WDR64: variants seen among roughly 807,000 people sequenced by gnomAD.
WDR64 encodes the protein WD repeat domain 64.
WDR64 carries 112 observed loss-of-function variants against 139.3 expected under a neutral mutation model. That is an observed-to-expected ratio of 0.80 (90% CI 0.69 to 0.94). WDR64 has a LOEUF of 0.94. WDR64 is among the 40% of genes least tolerant of loss of function. WDR64 has a pLI of 0.00. For synonymous variants in WDR64, 444 were observed against 437.7 expected (o/e 1.01, Z -0.18); for missense variants, 1,206 against 1,293.1 (o/e 0.93, Z 1.03).
chr1:241,723,620 A>C (rs1160498812), intron 10 of WDR64, among the ~76,000 whole-genome samples, 184 bp downstream of exon 10: 1 of 152,180 alleles, frequency 6.6e-6, no homozygotes, highest in Non-Finnish European at 1.5e-5. Flanking sequence ...ATTATAGCAT[A>C]AGTAAGAACA....
At chr1:241,673,484 C>T (rs1314874498) in intron 3 of WDR64, among the ~76,000 whole-genome samples, 2 of 152,066 alleles carry the variant, frequency 1.3e-5, no homozygotes, top group Admixed American at 1.3e-4. Flanking sequence ...AATTGCCTTC[C>T]CCTCTGCCTT....
At chr1:241,729,120 T>C (rs1388939735) in intron 10 of WDR64, among the ~76,000 whole-genome samples, 3 of 152,206 alleles carry the variant, frequency 2.0e-5, no homozygotes, top group Non-Finnish European at 2.9e-5. Flanking sequence ...AGAGCCATAA[T>C]CCAACTTCAA....
In WDR64 at chr1:241,788,017, GATA is replaced by G. The variant is rs763027641; in HGVS notation, c.2875_2877del (p.Ile959del). ...AGAAGCAAAAATATGAATATCCTCTGATATTTGACCGGGAAAAGTAAGACCATT... is the reference window on the plus strand; with the variant it reads ...AGAAGCAAAAATATGAATATCCTCTGTTTGACCGGGAAAAGTAAGACCATT... On this transcript the variant is annotated inframe_deletion, in exon 24 of 28. Coordinates refer to ENST00000437684, the MANE Select transcript of WDR64 (RefSeq NM_001367482.1). 826 of 1,593,618 alleles carry G rather than the reference GATA, an allele frequency of 5.2e-4. 1 individual carries two copies. Among genetic ancestry groups the G allele is most frequent in the Non-Finnish European group, 6.0e-4 (699 of 1,173,284 alleles).
Position 241,652,407 on chromosome 1 carries a change from T to C in WDR64, c.-78T>C. 6.9e-7 allele frequency: 1 copy of C among 1,455,712 alleles called. No individual in the cohort carries two copies. The highest frequency in any genetic ancestry group is 1.4e-5 in the South Asian group (1 of 73,714). The allele number at this position is 1,455,712 out of a possible 1,614,324, so 90.2% of individuals were successfully genotyped here. On this transcript the variant is annotated 5_prime_UTR_variant, in exon 1 of 28. Coordinates refer to ENST00000437684, the MANE Select transcript of WDR64 (RefSeq NM_001367482.1). ...AAACTGAGACAGCAGGGAGGCACTG[T>C]AACAACTGGAAAGTTTTCCAAATTG...
intron 25 of WDR64, among the ~76,000 whole-genome samples, chr1:241,792,884 A>G (rs947555642): frequency 1.3e-5 from 2 of 152,198 alleles, no homozygotes; most frequent in African/African-American, 4.8e-5. Context: ...TTAAATGTAT[A>G]CCTTAGGGAA....
Position 241,703,540 on chromosome 1 carries a change from G to GA in WDR64, c.975-8257dup, listed in dbSNP as rs1276318761. On this transcript the variant is annotated intron_variant, in intron 8 of 27. Coordinates refer to ENST00000437684, the MANE Select transcript of WDR64 (RefSeq NM_001367482.1). This position sits in a 1 kb window ranked among gnomAD's most constrained non-coding sequence, Gnocchi z 5.9. ...TTGCTATCATTTCAGGGGGATCAGG[G>GA]AAAAAGTCAGAATGAACTTCCCAGA... Among the ~76,000 whole-genome samples the GA allele has an allele frequency of 6.6e-6, 1 of 151,944 alleles. No individual in the cohort carries two copies. The highest frequency in any genetic ancestry group is 2.4e-5 in the African/African-American group (1 of 41,368).
chr1:241,796,820 C>T (rs1031187112), intron 27 of WDR64, among the ~76,000 whole-genome samples: 1 of 152,122 alleles, frequency 6.6e-6, no homozygotes, highest in African/African-American at 2.4e-5. Flanking sequence ...ATGAATATTC[C>T]AGATGTGTGT....
intron 8 of WDR64, among the ~76,000 whole-genome samples, chr1:241,694,086 A>G (rs1268431438): frequency 3.3e-5 from 5 of 151,664 alleles, no homozygotes; most frequent in Non-Finnish European, 5.9e-5. Context: ...GGTGCTCTTG[A>G]GCTGTTTAAA....
At chr1:241,723,981 G>A (rs1668707555) in intron 10 of WDR64, among the ~76,000 whole-genome samples, 1 of 151,416 alleles carries the variant, frequency 6.6e-6, no homozygotes, top group African/African-American at 2.4e-5. Flanking sequence ...AATAAATAAG[G>A]AAATAAATAA....
At chr1:241,725,131 T>A (rs1369943678) in intron 10 of WDR64, among the ~76,000 whole-genome samples, 1 of 152,006 alleles carries the variant, frequency 6.6e-6, no homozygotes, top group Non-Finnish European at 1.5e-5. Flanking sequence ...GGAAAGAAAG[T>A]GGAGTGAAGG....
At chr1:241,753,324 T>C (rs1408925080) in intron 14 of WDR64, among the ~76,000 whole-genome samples, 4 of 152,200 alleles carry the variant, frequency 2.6e-5, no homozygotes, top group African/African-American at 9.7e-5. Flanking sequence ...AGCAAAATAA[T>C]TGACCTTAAA....
intron 15 of WDR64, among the ~76,000 whole-genome samples, chr1:241,759,860 T>C (rs1012380511): frequency 6.6e-6 from 1 of 152,222 alleles, no homozygotes; most frequent in Non-Finnish European, 1.5e-5. Flanking sequence ...TCTCTATTTA[T>C]TAAACAATAA....
intron 7 of WDR64, among the ~76,000 whole-genome samples, chr1:241,685,599 G>A (rs1393083761): frequency 6.6e-6 from 1 of 151,984 alleles, no homozygotes; most frequent in African/African-American, 2.4e-5. Flanking sequence ...TTAAAAAATG[G>A]ATTATACTTT....
chr1:241,769,537 G>C (rs1198073224), intron 17 of WDR64, 32 bp downstream of exon 17: 1 of 1,525,858 alleles, frequency 6.6e-7, no homozygotes, highest in African/African-American at 1.4e-5. Context: ...CAGTAATACT[G>C]TCTGGGACTT....
chr1:241,799,212 A>AAAAAAAAAAAAAAAG, intron 27 of WDR64, among the ~76,000 whole-genome samples: 1 of 132,966 alleles, frequency 7.5e-6, no homozygotes, highest in African/African-American at 2.7e-5. Context: ...CAAAAAAAAA[A>AAAAAAAAAAAAAAAG]AAAAAAAAAA....
At chr1:241,767,761 T>C (rs1658245113) in intron 16 of WDR64, among the ~76,000 whole-genome samples, 2 of 152,328 alleles carry the variant, frequency 1.3e-5, no homozygotes. Flanking sequence ...CATTTATTGC[T>C]TGGACTATGG....
intron 12 of WDR64, among the ~76,000 whole-genome samples, chr1:241,743,765 G>C (rs903733848): frequency 6.6e-6 from 1 of 152,106 alleles, no homozygotes; most frequent in South Asian, 2.1e-4. Flanking sequence ...GATGACTCTT[G>C]AGTCTTGACA....
At chr1:241,694,836 G>A (rs201470716) in intron 8 of WDR64, among the ~76,000 whole-genome samples, 2 of 152,120 alleles carry the variant, frequency 1.3e-5, no homozygotes, top group East Asian at 3.9e-4. Flanking sequence ...GTCATATATA[G>A]CTTTTAGTCC....
Position 241,749,843 on chromosome 1 carries a change from C to A in WDR64, c.1770+121C>A. On this transcript the variant is annotated intron_variant, in intron 14 of 27. Coordinates refer to ENST00000437684, the MANE Select transcript of WDR64 (RefSeq NM_001367482.1). ...GTAGCCAGCTGAAGATGGTATTTAT[C>A]CTCAGCCTTCCCGTGATGCTCCTCA... The A allele has an allele frequency of 4.4e-6, 5 of 1,141,964 alleles. No individual in the cohort carries two copies. In the South Asian group the frequency reaches 4.7e-5, roughly 11 times the overall value. 70.7% of individuals were successfully genotyped at this position (1,141,964 alleles called of 1,614,324 possible).
Sources: allele counts gnomAD v4.1 joint callset (sites outside exome capture counted in the v4.1 genomes callset), GRCh38; gene constraint gnomAD v4.1.1; non-coding constraint Gnocchi (gnomAD v3.1); transcripts MANE v1.5; gene names NCBI Gene and HGNC (gene_info 2026-07-23, HGNC 2026-07-21).